ALK: variants seen among roughly 807,000 people sequenced by gnomAD.
The protein encoded by ALK is ALK receptor tyrosine kinase, also known as ALK tyrosine kinase receptor.
In ALK, 74 loss-of-function variants were observed where a neutral mutation model predicts 163.1. The ratio of observed to expected loss-of-function variants is 0.45; its 90% CI spans 0.38 to 0.55. The LOEUF (loss-of-function observed/expected upper bound fraction) is 0.55, where lower values mean the gene tolerates loss of function less well. Among genes scored for constraint, ALK ranks in the 20% least tolerant of loss-of-function variants. ALK has a pLI of 0.00. For synonymous variants in ALK, 960 were observed against 843.2 expected, an observed-to-expected ratio of 1.14 and a Z score of -2.40; for missense variants, 2,063 against 2,105.3, an observed-to-expected ratio of 0.98 and a Z score of 0.39.
At chr2:29,620,837 G>C (rs1676014663) in intron 3 of ALK, among the ~76,000 whole-genome samples, 1 of 152,140 alleles carries the variant, frequency 6.6e-6, no homozygotes, top group Non-Finnish European at 1.5e-5. Flanking sequence ...ATTCAAAGTG[G>C]TTTTCAAACA....
At chr2:29,846,542 A>G (rs1168357782) in intron 1 of ALK, among the ~76,000 whole-genome samples, 1 of 152,288 alleles carries the variant, frequency 6.6e-6, no homozygotes, top group East Asian at 1.9e-4. Flanking sequence ...AATGCTCTCA[A>G]TGAGTTCTTG....
At chr2:29,580,456 G>A (rs1054205622) in intron 3 of ALK, among the ~76,000 whole-genome samples, 1 of 152,156 alleles carries the variant, frequency 6.6e-6, no homozygotes, top group African/African-American at 2.4e-5. Flanking sequence ...TATAACCAAA[G>A]CGTAGGATTT....
At chr2:29,624,892 C>G (rs1311857080) in intron 3 of ALK, among the ~76,000 whole-genome samples, 1 of 152,208 alleles carries the variant, frequency 6.6e-6, no homozygotes, top group Non-Finnish European at 1.5e-5. Context: ...GTGGGCAGAG[C>G]CTGGTGCTGG....
intron 3 of ALK, among the ~76,000 whole-genome samples, chr2:29,633,653 T>C (rs1676444604): frequency 6.6e-6 from 1 of 151,438 alleles, no homozygotes. Context: ...AAAAGATCAA[T>C]ACAATTAACA....
chr2:29,687,211 CT>C (rs1019529324), intron 3 of ALK, among the ~76,000 whole-genome samples: 10 of 151,930 alleles, frequency 6.6e-5, no homozygotes, highest in Non-Finnish European at 1.5e-5. Context: ...GGATTGGCCC[CT>C]GGGTATATTC....
chr2:29,703,935 A>G lies in ALK; in HGVS notation c.788-8921T>C, dbSNP rs1260657349. On this transcript the variant is annotated intron_variant, in intron 2 of 28. Transcript: ENST00000389048. ...TCTCCTGGTTGCAGAAGTCTTTCTG[A>G]ATGTCACCTCTTCAGGGAACACCAG... Among the ~76,000 whole-genome samples, 7 of 152,154 alleles carry G rather than the reference A, an allele frequency of 4.6e-5. No individual in the cohort carries two copies. In the East Asian group the frequency reaches 1.3e-3, roughly 29 times the overall value.
At chr2:29,292,086 G>A (rs1666040799) in intron 9 of ALK, among the ~76,000 whole-genome samples, 1 of 152,228 alleles carries the variant, frequency 6.6e-6, no homozygotes, top group African/African-American at 2.4e-5. Context: ...GGATTGCAAA[G>A]GGAACAGGAA....
chr2:29,429,426 A>G (rs1670222130), intron 4 of ALK, among the ~76,000 whole-genome samples: 1 of 152,084 alleles, frequency 6.6e-6, no homozygotes, highest in African/African-American at 2.4e-5. Flanking sequence ...AAAATCAATT[A>G]TATTTCTATA....
At chr2:29,885,289 A>C (rs753058524) in intron 1 of ALK, among the ~76,000 whole-genome samples, 11 of 152,176 alleles carry the variant, frequency 7.2e-5, no homozygotes, top group Non-Finnish European at 1.2e-4. Flanking sequence ...CCTCTAGATC[A>C]GGGGGTCACA....
intron 20 of ALK, 145 bp from the exon 21 acceptor site, chr2:29,222,752 C>G: frequency 1.4e-6 from 1 of 690,558 alleles, no homozygotes; most frequent in Non-Finnish European, 2.5e-6. Flanking sequence ...ATACCCTCAA[C>G]ATGGCTTTGC....
intron 3 of ALK, among the ~76,000 whole-genome samples, chr2:29,622,843 C>A (rs372871173): frequency 9.7e-4 from 148 of 152,240 alleles, no homozygotes; most frequent in African/African-American, 3.3e-3. Flanking sequence ...TTCCAGGAAG[C>A]CTTCCTGACT....
chr2:29,588,531 G>A (rs1351314263), intron 3 of ALK, among the ~76,000 whole-genome samples: 3 of 152,062 alleles, frequency 2.0e-5, no homozygotes, highest in Admixed American at 6.6e-5. Flanking sequence ...GCACCTGGCC[G>A]AGAAAGAAAT....
intron 1 of ALK, among the ~76,000 whole-genome samples, chr2:29,779,619 AAGAAG>A (rs1681279484): frequency 6.6e-6 from 1 of 152,220 alleles, no homozygotes; most frequent in Non-Finnish European, 1.5e-5. Context: ...AATTCTGCAA[AAGAAG>A]CTCCCCAAGG....
chr2:29,893,862 C>T (rs530963926), intron 1 of ALK, among the ~76,000 whole-genome samples: 135 of 152,154 alleles, frequency 8.9e-4, no homozygotes, highest in African/African-American at 3.2e-3. Context: ...CTGACATTTA[C>T]AAGCAGAATG....
chr2:29,739,032 T>G (rs1679972923), intron 1 of ALK, among the ~76,000 whole-genome samples: 1 of 148,948 alleles, frequency 6.7e-6, no homozygotes. Flanking sequence ...AGACCAGGAG[T>G]TCAAGACCAG....
Position 29,296,877 on chromosome 2 carries a change from A to G in ALK, c.1817+11T>C, listed in dbSNP as rs185559774. 2.5e-4 allele frequency: 406 copies of G among 1,614,158 alleles called. No homozygotes were observed. The African/African-American group carries it at 4.8e-3, about 19-fold the overall frequency. On this transcript the variant is annotated intron_variant, in intron 9 of 28. Coordinates refer to ENST00000389048, the MANE Select transcript of ALK (RefSeq NM_004304.5). ...AGGAGAAGGGTATTGGGGGAGATGC[A>G]TAGAGCCTACCTGTCAGACACATCG...
intron 11 of ALK, among the ~76,000 whole-genome samples, chr2:29,268,918 C>T (rs573125635): frequency 1.3e-5 from 2 of 152,298 alleles, no homozygotes; most frequent in South Asian, 4.1e-4. Flanking sequence ...AGGCACCTCT[C>T]TAAGCCCTGG....
chr2:29,511,408 C>A (rs1225665970), intron 4 of ALK, among the ~76,000 whole-genome samples: 3 of 152,142 alleles, frequency 2.0e-5, no homozygotes, highest in Non-Finnish European at 4.4e-5. Context: ...GGTCTTTGTG[C>A]CTGGCTTCTT....
intron 9 of ALK, among the ~76,000 whole-genome samples, chr2:29,278,384 C>T (rs1389007474): frequency 6.6e-6 from 1 of 152,154 alleles, no homozygotes; most frequent in Non-Finnish European, 1.5e-5. Flanking sequence ...TCAAAGACCT[C>T]TTAGAGGATA....
Sources: gnomAD v4.1 joint callset for allele counts (sites outside exome capture counted in the v4.1 genomes callset) on GRCh38, gnomAD v4.1.1 for gene constraint, MANE v1.5 for transcripts, NCBI Gene and HGNC (gene_info 2026-07-23, HGNC 2026-07-21) for gene names.